GALNT14: variants seen among roughly 807,000 people sequenced by gnomAD.
GALNT14 encodes UDP-GalNAc:polypeptide N-acetylgalactosaminyltransferase 14.
GALNT14 carries 60 observed loss-of-function variants against 77.5 expected under a neutral mutation model. That is an observed-to-expected ratio of 0.77 (90% CI 0.63 to 0.96). GALNT14 has a LOEUF of 0.96. Among genes scored for constraint, GALNT14 ranks in the 40% least tolerant of loss-of-function variants. The pLI is 0.00. For missense variants in GALNT14, 710 were observed against 731.0 expected (o/e 0.97, Z 0.33); for synonymous variants, 280 against 281.7 (o/e 0.99, Z 0.06).
At chr2:31,107,542 C>G (rs933624651) in intron 1 of GALNT14, among the ~76,000 whole-genome samples, 10 of 152,158 alleles carry the variant, frequency 6.6e-5, no homozygotes, top group Admixed American at 5.9e-4. Context: ...AACAAGGAGA[C>G]TGTAATGGTA....
chr2:31,046,535 CATAT>C (rs1673475498), intron 1 of GALNT14, among the ~76,000 whole-genome samples: 1 of 152,138 alleles, frequency 6.6e-6, no homozygotes, highest in Non-Finnish European at 1.5e-5. Flanking sequence ...GCCTGGAACC[CATAT>C]TCTTAAAGTA....
intron 11 of GALNT14, among the ~76,000 whole-genome samples, chr2:30,926,771 C>T (rs951354121): frequency 2.0e-5 from 3 of 151,878 alleles, no homozygotes; most frequent in African/African-American, 7.3e-5. Flanking sequence ...AAGACTCATG[C>T]TGATGGGGCA....
chr2:31,129,574 G>C, intron 1 of GALNT14: 1 of 985,342 alleles, frequency 1.0e-6, no homozygotes, highest in African/African-American at 1.7e-5. Context: ...ATCTCCCTGA[G>C]ATCCTAGGAA....
intron 13 of GALNT14, among the ~76,000 whole-genome samples, chr2:30,918,928 C>T (rs1461005305): frequency 6.6e-6 from 1 of 152,010 alleles, no homozygotes; most frequent in East Asian, 1.9e-4. Flanking sequence ...CCTGTCCCAC[C>T]GGCAGACTCA....
At chr2:31,046,988 ACTC>A (rs1558523059) in intron 1 of GALNT14, among the ~76,000 whole-genome samples, 1 of 152,006 alleles carries the variant, frequency 6.6e-6, no homozygotes, top group Non-Finnish European at 1.5e-5. Context: ...GGGCAGTTGA[ACTC>A]CTCATGTGGG....
intron 1 of GALNT14, among the ~76,000 whole-genome samples, chr2:31,097,425 T>C (rs1441925038): frequency 2.6e-5 from 4 of 151,704 alleles, no homozygotes; most frequent in African/African-American, 7.3e-5. Flanking sequence ...TTTCCACAAG[T>C]ATTTATTGAG....
intron 14 of GALNT14, 91 bp downstream of exon 14, chr2:30,912,132 T>TC (rs1194453548): frequency 1.6e-5 from 24 of 1,489,598 alleles, no homozygotes; most frequent in Admixed American, 1.9e-5. Flanking sequence ...CTTCTAACAA[T>TC]TTCTCTCTTT....
intron 1 of GALNT14, among the ~76,000 whole-genome samples, chr2:31,136,012 G>A (rs1231600895): frequency 1.3e-5 from 2 of 152,172 alleles, no homozygotes; most frequent in African/African-American, 2.4e-5. Context: ...AATGAGGGTC[G>A]AAGCAAAACA....
intron 1 of GALNT14, among the ~76,000 whole-genome samples, chr2:31,117,698 C>T (rs1483849600): frequency 6.6e-6 from 1 of 152,106 alleles, no homozygotes; most frequent in East Asian, 1.9e-4. Context: ...ATGGATACTA[C>T]CCAAACTGAC....
At chr2:30,942,123 C>G in intron 9 of GALNT14, 78 bp downstream of exon 9, 1 of 1,042,246 alleles carries the variant, frequency 9.6e-7, no homozygotes, top group Non-Finnish European at 1.5e-6. Context: ...GTGTTGGATC[C>G]AAAACCACAG....
intron 2 of GALNT14, among the ~76,000 whole-genome samples, chr2:30,985,194 C>T (rs183472610): frequency 1.3e-5 from 2 of 152,224 alleles, no homozygotes; most frequent in Admixed American, 1.3e-4. Flanking sequence ...GCAAGGTCAA[C>T]GTTAGCAGGA....
At chr2:31,036,840 CA>C (rs1465178015) in intron 1 of GALNT14, among the ~76,000 whole-genome samples, 1 of 152,134 alleles carries the variant, frequency 6.6e-6, no homozygotes, top group African/African-American at 2.4e-5. Flanking sequence ...TTCTGGCCTC[CA>C]AGGTTTCCAA....
chr2:30,947,430 T>G (rs1478850014), intron 6 of GALNT14, among the ~76,000 whole-genome samples: 1 of 152,194 alleles, frequency 6.6e-6, no homozygotes, highest in Non-Finnish European at 1.5e-5. Context: ...TATGCAAGCC[T>G]AAGTCACCAG....
At chr2:31,030,022 T>C (rs1289677894) in intron 1 of GALNT14, among the ~76,000 whole-genome samples, 2 of 152,226 alleles carry the variant, frequency 1.3e-5, no homozygotes, top group Non-Finnish European at 2.9e-5. Context: ...TATGACAGCA[T>C]TGTGCATATC....
At chr2:31,063,234 G>C (rs1283475453) in intron 1 of GALNT14, among the ~76,000 whole-genome samples, 1 of 152,166 alleles carries the variant, frequency 6.6e-6, no homozygotes, top group African/African-American at 2.4e-5. Context: ...GTTAATTTTT[G>C]TATAAGGTGT....
the GALNT14 span, among the ~76,000 whole-genome samples, chr2:30,900,414 G>A: frequency 6.6e-6 from 1 of 151,942 alleles, no homozygotes; most frequent in Non-Finnish European, 1.5e-5. Context: ...TTGTCTTCTC[G>A]GTCCTCTGTT....
At chr2:31,119,882 C>T (rs988566972) in intron 1 of GALNT14, among the ~76,000 whole-genome samples, 2 of 74,936 alleles carry the variant, frequency 2.7e-5, no homozygotes, top group Non-Finnish European at 7.8e-5. Context: ...CTAGGCCGGG[C>T]GCGGTGGCTC....
the GALNT14 span, among the ~76,000 whole-genome samples, chr2:30,899,083 G>A: frequency 6.6e-6 from 1 of 152,222 alleles, no homozygotes; most frequent in Non-Finnish European, 1.5e-5. Flanking sequence ...TGCTATTAAT[G>A]AGAACAGCTT....
At chr2:30,978,010 T>C (rs1668741792) in intron 2 of GALNT14, among the ~76,000 whole-genome samples, 1 of 152,124 alleles carries the variant, frequency 6.6e-6, no homozygotes, top group South Asian at 2.1e-4. Context: ...CTGCTCTCAC[T>C]GTAGGACCCT....
Sources: gnomAD v4.1 joint callset for allele counts (sites outside exome capture counted in the v4.1 genomes callset) on GRCh38, gnomAD v4.1.1 for gene constraint, MANE v1.5 for transcripts, NCBI Gene and HGNC (gene_info 2026-07-23, HGNC 2026-07-21) for gene names.